The following JMJD1C variants were observed in gnomAD, a reference collection of about 807,000 sequenced individuals.
The protein encoded by JMJD1C is jumonji domain-containing protein 1C.
Under a neutral mutation model 245.3 loss-of-function variants are expected in JMJD1C, and 31 were observed. That is an observed-to-expected ratio of 0.13 (90% CI 0.09 to 0.17). The LOEUF is 0.17. JMJD1C is among the 10% of genes least tolerant of loss of function. JMJD1C has a pLI of 1.00. For missense variants in JMJD1C, 2,691 were observed against 3,000.2 expected (o/e 0.90, Z 2.41); for synonymous variants, 1,057 against 1,017.4 (o/e 1.04, Z -0.74).
chr10:63,180,245 C>G (rs781456712), intron 22 of JMJD1C, among the ~76,000 whole-genome samples: 1 of 152,190 alleles, frequency 6.6e-6, no homozygotes, highest in Non-Finnish European at 1.5e-5. Flanking sequence ...CTCCTGACAT[C>G]AGGTGATCCA....
At chr10:63,395,243 C>A (rs1474944663) in intron 1 of JMJD1C, among the ~76,000 whole-genome samples, 1 of 152,076 alleles carries the variant, frequency 6.6e-6, no homozygotes, top group Non-Finnish European at 1.5e-5. Context: ...CTTTGGGAGG[C>A]CAAGGCAAGC....
intron 3 of JMJD1C, among the ~76,000 whole-genome samples, chr10:63,246,468 G>T (rs545664951): frequency 3.9e-5 from 6 of 152,162 alleles, no homozygotes; most frequent in South Asian, 2.1e-4. Context: ...ACACTGACAT[G>T]CAAGAATACT....
At chr10:63,332,510 A>T (rs187414209) in intron 2 of JMJD1C, among the ~76,000 whole-genome samples, 6 of 152,376 alleles carry the variant, frequency 3.9e-5, no homozygotes, top group Admixed American at 6.5e-5. Flanking sequence ...AACTAAATCA[A>T]GATGGCAAAG....
chr10:63,473,483 G>C (rs1202980929), intron 1 of JMJD1C, among the ~76,000 whole-genome samples: 1 of 151,234 alleles, frequency 6.6e-6, no homozygotes, highest in African/African-American at 2.4e-5. Context: ...CTGACCTCAA[G>C]TGATCCTCCC....
At chr10:63,347,487 A>G (rs969063547) in intron 2 of JMJD1C, among the ~76,000 whole-genome samples, 2 of 150,794 alleles carry the variant, frequency 1.3e-5, no homozygotes, top group Non-Finnish European at 3.0e-5. Context: ...TGGGAGGCTG[A>G]GGCAGGAGAA....
At chr10:63,221,665 C>A (rs1045391977) in intron 3 of JMJD1C, among the ~76,000 whole-genome samples, 3 of 152,164 alleles carry the variant, frequency 2.0e-5, no homozygotes, top group African/African-American at 7.2e-5. Context: ...AGACTCTAAC[C>A]CCCTTAATGC....
At chr10:63,361,830 TA>T (rs1400935567) in intron 2 of JMJD1C, among the ~76,000 whole-genome samples, 1 of 151,878 alleles carries the variant, frequency 6.6e-6, no homozygotes, top group Non-Finnish European at 1.5e-5. Flanking sequence ...AGAAAAAATT[TA>T]AATCTACTTT....
intron 2 of JMJD1C, among the ~76,000 whole-genome samples, chr10:63,318,945 A>C (rs887172628): frequency 1.3e-5 from 2 of 152,104 alleles, no homozygotes; most frequent in Admixed American, 6.6e-5. Context: ...TATGGCTTTA[A>C]TATCTGAATG....
At chr10:63,264,126 C>A (rs1308985595) in intron 3 of JMJD1C, among the ~76,000 whole-genome samples, 1 of 151,820 alleles carries the variant, frequency 6.6e-6, no homozygotes, top group African/African-American at 2.4e-5. Context: ...TAATAGTCAA[C>A]TGGAAAATGT....
intron 22 of JMJD1C, among the ~76,000 whole-genome samples, chr10:63,178,358 C>G (rs1843062211): frequency 6.6e-6 from 1 of 152,160 alleles, no homozygotes; most frequent in Admixed American, 6.5e-5. Context: ...TTTATGCAAA[C>G]CAAGAAGCAG....
At chr10:63,279,203 CGGTGCCATTGCACTCCAGCCT>C (rs1857143587) in intron 2 of JMJD1C, among the ~76,000 whole-genome samples, 1 of 150,750 alleles carries the variant, frequency 6.6e-6, no homozygotes, top group Non-Finnish European at 1.5e-5. Context: ...TGAGCTAAGA[CGGTGCCATTGCACTCCAGCCT>C]GGGCAAAAGA....
chr10:63,434,987 T>C (rs1021632968), intron 1 of JMJD1C, among the ~76,000 whole-genome samples: 2 of 152,226 alleles, frequency 1.3e-5, no homozygotes, highest in African/African-American at 2.4e-5. Flanking sequence ...CTCATACCAA[T>C]AGCATATCTT....
chr10:63,351,487 T>C (rs1003505017), intron 2 of JMJD1C, among the ~76,000 whole-genome samples: 1 of 152,212 alleles, frequency 6.6e-6, no homozygotes, highest in South Asian at 2.1e-4. Context: ...TTATAATTCC[T>C]AGACAACATT....
rs192734949 is a variant in JMJD1C, at chr10:63,463,607, A to C, written c.168+1888T>G. Reference sequence around the variant, plus strand: ...TCTGGGAATAAATCTAAAATGGTAGATTCTAGGCTAAAAAAACTAAATTAA... The same window carrying C: ...TCTGGGAATAAATCTAAAATGGTAGCTTCTAGGCTAAAAAAACTAAATTAA... On this transcript the variant is annotated intron_variant, in intron 1 of 25. Transcript: ENST00000399262. 1.9e-4 allele frequency among the ~76,000 whole-genome samples: 29 copies of C among 152,332 alleles called. No homozygotes were observed. In the East Asian group the frequency reaches 4.4e-3, roughly 23 times the overall value.
chr10:63,423,351 C>T (rs1307994303), intron 1 of JMJD1C, among the ~76,000 whole-genome samples: 1 of 152,166 alleles, frequency 6.6e-6, no homozygotes, highest in Non-Finnish European at 1.5e-5. Context: ...CCCTGGTAAT[C>T]ACTAATTTAC....
intron 2 of JMJD1C, among the ~76,000 whole-genome samples, chr10:63,281,879 TACTC>T (rs1174295089): frequency 1.3e-5 from 2 of 152,144 alleles, no homozygotes; most frequent in African/African-American, 4.8e-5. Flanking sequence ...AAAATGTTAA[TACTC>T]ATAAAAATCA....
intron 3 of JMJD1C, among the ~76,000 whole-genome samples, chr10:63,238,215 A>G (rs974245284): frequency 2.0e-5 from 3 of 150,394 alleles, no homozygotes; most frequent in Admixed American, 6.6e-5. Context: ...GAAGGAAGCT[A>G]TAACTAAAAT....
intron 1 of JMJD1C, among the ~76,000 whole-genome samples, chr10:63,383,996 C>A (rs1947405837): frequency 6.6e-6 from 1 of 152,126 alleles, no homozygotes; most frequent in Non-Finnish European, 1.5e-5. Flanking sequence ...CACAGCTGAA[C>A]CTCTTTTGAA....
intron 2 of JMJD1C, among the ~76,000 whole-genome samples, chr10:63,290,511 A>T (rs896646108): frequency 6.6e-6 from 1 of 152,170 alleles, no homozygotes; most frequent in African/African-American, 2.4e-5. Context: ...CAGTGAGCCA[A>T]GATCGCACCA....
Sources: allele counts gnomAD v4.1 joint callset (sites outside exome capture counted in the v4.1 genomes callset), GRCh38; gene constraint gnomAD v4.1.1; transcripts MANE v1.5; gene names NCBI Gene and HGNC (gene_info 2026-07-23, HGNC 2026-07-21).